The following TAFA2 variants were observed in gnomAD, a reference collection of about 807,000 sequenced individuals.
TAFA2 encodes the protein TAFA chemokine like family member 2.
Under a neutral mutation model 18.8 loss-of-function variants are expected in TAFA2, and 7 were observed. The ratio of observed to expected loss-of-function variants is 0.37; its 90% CI spans 0.21 to 0.70. TAFA2 has a LOEUF of 0.70. Ranked by LOEUF, TAFA2 falls within the 30% of genes least tolerant of loss-of-function variation. The probability of loss-of-function intolerance (pLI) is 0.53; values close to 1 mark genes in which losing one functional copy is unlikely to be tolerated. For missense variants in TAFA2, 122 were observed against 158.1 expected (o/e 0.77, Z 1.23); for synonymous variants, 60 against 54.2 (o/e 1.11, Z -0.47).
rs747048496 is a variant in TAFA2, at chr12:61,708,361, C to G, written c.*2045G>C. On this transcript the variant is annotated 3_prime_UTR_variant, in exon 5 of 5. Transcript: ENST00000416284. ...TAATCTAGTTAGTATATTTGAAATT[C>G]CATGTTTTTTTTCTATTATATGCAT... is the stretch of plus-strand genomic sequence containing the variant. 1 of 151,902 alleles carries G rather than the reference C, an allele frequency of 6.6e-6. No individual in the cohort carries two copies. Among genetic ancestry groups the G allele is most frequent in the African/African-American group, 2.4e-5 (1 of 41,374 alleles). The allele number at this position is 151,902 out of a possible 1,614,324, so 9.4% of individuals were successfully genotyped here. A position where few individuals can be genotyped will look rare whatever the true frequency, so the allele number is the denominator to read the frequency against.
At chr12:62,049,791 C>T (rs1212736874) in intron 1 of TAFA2, among the ~76,000 whole-genome samples, 1 of 152,030 alleles carries the variant, frequency 6.6e-6, no homozygotes, top group Non-Finnish European at 1.5e-5. Context: ...CATTAAGAGA[C>T]ATATTAGAAA....
At position 61,822,842 on chromosome 12, in the gene TAFA2, T is replaced by C. The variant is rs1872376752; in HGVS notation, c.106+44478A>G. 2.6e-5 allele frequency among the ~76,000 whole-genome samples: 4 copies of C among 152,166 alleles called. No individual in the cohort carries two copies. The South Asian group carries it at 8.3e-4, about 32-fold the overall frequency. On this transcript the variant is annotated intron_variant, in intron 2 of 4. Transcript: ENST00000416284. ...TGTAAATAAGTAAATGAATGAGTGATTCATGTTGAAAGAAATACTAACATA... is the reference window on the plus strand; with the variant it reads ...TGTAAATAAGTAAATGAATGAGTGACTCATGTTGAAAGAAATACTAACATA...
intron 2 of TAFA2, among the ~76,000 whole-genome samples, chr12:61,846,982 A>G (rs1318285603): frequency 1.3e-5 from 2 of 152,110 alleles, no homozygotes; most frequent in Non-Finnish European, 2.9e-5. Flanking sequence ...CTTCCCACAC[A>G]GGTTCCTCAT....
At chr12:62,137,876 G>A (rs145778578) in intron 1 of TAFA2, among the ~76,000 whole-genome samples, 339 of 152,214 alleles carry the variant, frequency 2.2e-3, no homozygotes, top group African/African-American at 7.6e-3. Flanking sequence ...AAAACTGCAT[G>A]CCTTATGAAA....
intron 1 of TAFA2, among the ~76,000 whole-genome samples, chr12:62,251,202 G>T (rs1392298495): frequency 6.6e-6 from 1 of 152,120 alleles, no homozygotes; most frequent in Non-Finnish European, 1.5e-5. Context: ...TTATGCAGTG[G>T]CAAAACATTT....
intron 2 of TAFA2, chr12:61,827,084 T>C (rs574018276): frequency 1.3e-5 from 2 of 152,134 alleles, no homozygotes; most frequent in Non-Finnish European, 2.9e-5. Context: ...AGATATATGA[T>C]TCAGTTTTGG....
intron 1 of TAFA2, among the ~76,000 whole-genome samples, chr12:62,156,848 A>T (rs905240574): frequency 2.0e-5 from 3 of 152,184 alleles, no homozygotes; most frequent in Non-Finnish European, 4.4e-5. Context: ...GAACTTACTC[A>T]TGTAACTAAA....
rs149291178 is a variant in TAFA2, at chr12:62,171,088, A to C, written c.-2+20171T>G. 7.9e-5 allele frequency among the ~76,000 whole-genome samples: 12 copies of C among 152,144 alleles called. No homozygotes were observed. The East Asian group carries it at 2.1e-3, about 27-fold the overall frequency. On this transcript the variant is annotated intron_variant, in intron 1 of 4. Coordinates refer to ENST00000416284, the MANE Select transcript of TAFA2 (RefSeq NM_178539.5). ...CATTTAATATAATTGTGACACTTTA[A>C]ATGTAACATTTAAGGTGTCACAATT...
At chr12:61,977,212 C>T (rs1198140621) in intron 1 of TAFA2, among the ~76,000 whole-genome samples, 1 of 151,952 alleles carries the variant, frequency 6.6e-6, no homozygotes, top group Non-Finnish European at 1.5e-5. Flanking sequence ...TGCTTTTTGA[C>T]CTAAGTCTCA....
intron 1 of TAFA2, among the ~76,000 whole-genome samples, chr12:62,148,686 G>A (rs780389368): frequency 1.3e-5 from 2 of 152,018 alleles, no homozygotes; most frequent in African/African-American, 2.4e-5. Flanking sequence ...TGTACCCTCT[G>A]GATCTAAAAT....
At chr12:62,068,685 C>G (rs886398578) in intron 1 of TAFA2, among the ~76,000 whole-genome samples, 11 of 151,862 alleles carry the variant, frequency 7.2e-5, no homozygotes, top group South Asian at 2.1e-4. Flanking sequence ...TTCAAAAAAC[C>G]AATTTAGAAG....
chr12:62,141,078 GT>G (rs2062236208), intron 1 of TAFA2, among the ~76,000 whole-genome samples: 1 of 152,200 alleles, frequency 6.6e-6, no homozygotes, highest in South Asian at 2.1e-4. Context: ...TCATTTTACA[GT>G]TTTAAAAATA....
intron 1 of TAFA2, among the ~76,000 whole-genome samples, chr12:62,210,135 G>T (rs541192731): frequency 6.6e-6 from 1 of 152,038 alleles, no homozygotes; most frequent in East Asian, 1.9e-4. Flanking sequence ...GCAGTGAGCC[G>T]AGATCACGCC....
At chr12:61,826,946 T>A (rs17125387) in intron 2 of TAFA2, among the ~76,000 whole-genome samples, 3,012 of 152,182 alleles carry the variant, frequency 0.02, 102 homozygotes, top group African/African-American at 0.069. Context: ...AAATGACCTA[T>A]ACAGCAAGGA....
At chr12:61,867,859 T>C (rs550415905) in intron 1 of TAFA2, among the ~76,000 whole-genome samples, 2 of 152,304 alleles carry the variant, frequency 1.3e-5, no homozygotes, top group East Asian at 3.9e-4. Flanking sequence ...ATTGCTTAGA[T>C]GAATTCCTGC....
chr12:61,772,816 C>T (rs1333440866), intron 2 of TAFA2, among the ~76,000 whole-genome samples: 1 of 151,844 alleles, frequency 6.6e-6, no homozygotes, highest in Admixed American at 6.6e-5. Flanking sequence ...AGGATTCCCA[C>T]GTTCACCACT....
In TAFA2 at chr12:62,229,930, T is replaced by C. The variant is rs1212094469; in HGVS notation, c.-130+28833A>G. Among the ~76,000 whole-genome samples the C allele has an allele frequency of 2.0e-5, 3 of 152,020 alleles. No individual in the cohort carries two copies. The East Asian group carries it at 5.8e-4, about 29-fold the overall frequency. On this transcript the variant is annotated intron_variant, in intron 1 of 5. Coordinates refer to the TAFA2 transcript ENST00000551619. ...TTATTCATTACTGGTGAGTTCTGGT[T>C]TTCTGTTTCTTCATGGTTCAATGTT... is the stretch of plus-strand genomic sequence containing the variant.
chr12:61,863,014 C>G (rs918221726), intron 2 of TAFA2, among the ~76,000 whole-genome samples: 1 of 152,182 alleles, frequency 6.6e-6, no homozygotes, highest in African/African-American at 2.4e-5. Flanking sequence ...CTTAATGTAG[C>G]TACTCAACAA....
intron 2 of TAFA2, among the ~76,000 whole-genome samples, chr12:61,828,261 C>G (rs532838881): frequency 1.8e-3 from 271 of 151,952 alleles, no homozygotes; most frequent in African/African-American, 6.3e-3. Context: ...GATAACACAG[C>G]AAATATCACT....
Sources: gnomAD v4.1 joint callset for allele counts (sites outside exome capture counted in the v4.1 genomes callset) on GRCh38, gnomAD v4.1.1 for gene constraint, MANE v1.5 for transcripts, NCBI Gene and HGNC (gene_info 2026-07-23, HGNC 2026-07-21) for gene names.